Variants in PHLPP1 observed in about 807,000 individuals in gnomAD.
PHLPP1 encodes PH domain leucine-rich repeat-containing protein phosphatase 1.
A neutral mutation model predicts 117.2 loss-of-function variants in PHLPP1; 42 were observed. That is an observed-to-expected ratio of 0.36 (90% CI 0.28 to 0.46). The LOEUF (loss-of-function observed/expected upper bound fraction) is 0.46, where lower values mean the gene tolerates loss of function less well. Ranked by LOEUF, PHLPP1 falls within the 20% of genes least tolerant of loss-of-function variation. The pLI, the probability that PHLPP1 is intolerant of heterozygous loss-of-function variation, is 1.00. For synonymous variants in PHLPP1, 1,042 were observed against 970.7 expected, an observed-to-expected ratio of 1.07 and a Z score of -1.37; for missense variants, 2,084 against 2,241.9, an observed-to-expected ratio of 0.93 and a Z score of 1.42.
At chr18:62,896,754 T>A (rs12965462) in intron 6 of PHLPP1, among the ~76,000 whole-genome samples, 1 of 152,070 alleles carries the variant, frequency 6.6e-6, no homozygotes, top group Non-Finnish European at 1.5e-5. Context: ...GTTTCATCAG[T>A]GTAAAGGAGC....
At chr18:62,746,195 G>A (rs1043522482) in intron 1 of PHLPP1, among the ~76,000 whole-genome samples, 4 of 152,102 alleles carry the variant, frequency 2.6e-5, no homozygotes, top group African/African-American at 4.8e-5. Flanking sequence ...ATAGGCATGA[G>A]CCACCATACC....
At chr18:62,727,726 A>T (rs1391947557) in intron 1 of PHLPP1, among the ~76,000 whole-genome samples, 2 of 151,706 alleles carry the variant, frequency 1.3e-5, no homozygotes, top group Non-Finnish European at 2.9e-5. Context: ...ATGTAAGTTT[A>T]GGGTAGGTAT....
At chr18:62,866,111 A>G (rs928689957) in intron 4 of PHLPP1, among the ~76,000 whole-genome samples, 2 of 152,186 alleles carry the variant, frequency 1.3e-5, no homozygotes, top group African/African-American at 4.8e-5. Flanking sequence ...TGCCAAATTC[A>G]GTTTAATGGT....
chr18:62,978,217 G>A lies in PHLPP1; in HGVS notation c.3985-45G>A, dbSNP rs1160357564. The A allele has an allele frequency of 8.4e-7, 1 of 1,192,138 alleles. No individual in the cohort carries two copies. Among genetic ancestry groups the A allele is most frequent in the East Asian group, 2.5e-5 (1 of 40,382 alleles). 73.8% of individuals were successfully genotyped at this position (1,192,138 alleles called of 1,614,324 possible). A position where few individuals can be genotyped will look rare whatever the true frequency, so the allele number is the denominator to read the frequency against. ...GCAGGGAACCTGCACAGTTGCCGCA[G>A]GTGCTCTGTATTAACTGTCTGTCTG... is the stretch of plus-strand genomic sequence containing the variant. On this transcript the variant is annotated intron_variant, in intron 16 of 16. Coordinates refer to ENST00000262719, the MANE Select transcript of PHLPP1 (RefSeq NM_194449.4). This position sits in a 1 kb window ranked among gnomAD's most constrained non-coding sequence, Gnocchi z 7.0.
At chr18:62,793,680 G>A (rs375209606) in intron 1 of PHLPP1, among the ~76,000 whole-genome samples, 1 of 152,120 alleles carries the variant, frequency 6.6e-6, no homozygotes, top group Admixed American at 6.5e-5. Context: ...CTGTTTCTAC[G>A]GAGGAATAAA....
intron 1 of PHLPP1, among the ~76,000 whole-genome samples, chr18:62,722,093 G>A (rs1910937903): frequency 1.3e-5 from 2 of 152,082 alleles, no homozygotes; most frequent in South Asian, 2.1e-4. Context: ...TACACACAGC[G>A]GCATTTCTCC....
rs73458290 is a variant in PHLPP1 at position 62,870,974 on chromosome 18, T to A, written c.2066+10373T>A. ...TTGGTGGTGTTGATGGTTTCTTTCC[T>A]TATTATATGTGTCACTAATAACTAT... On this transcript the variant is annotated intron_variant, in intron 4 of 16. Coordinates refer to ENST00000262719, the MANE Select transcript of PHLPP1 (RefSeq NM_194449.4). 3.6e-3 allele frequency among the ~76,000 whole-genome samples: 554 copies of A among 152,296 alleles called. 9 individuals carry two copies. The highest frequency in any genetic ancestry group is 0.025 in the Admixed American group (387 of 15,302).
At chr18:62,967,864 G>A (rs1599146131) in intron 14 of PHLPP1, among the ~76,000 whole-genome samples, 1 of 147,196 alleles carries the variant, frequency 6.8e-6, no homozygotes, top group South Asian at 2.2e-4. Context: ...CACTCTTATT[G>A]CCCAGGCTGG....
At chr18:62,950,172 A>G (rs530425919) in intron 12 of PHLPP1, among the ~76,000 whole-genome samples, 8 of 152,344 alleles carry the variant, frequency 5.3e-5, no homozygotes, top group African/African-American at 1.7e-4. Flanking sequence ...TGATTCTAAG[A>G]ACAGCATCTT....
At chr18:62,853,627 C>G (rs1360435971) in intron 3 of PHLPP1, among the ~76,000 whole-genome samples, 2 of 152,202 alleles carry the variant, frequency 1.3e-5, no homozygotes, top group Non-Finnish European at 2.9e-5. Context: ...CCCTCGGCCC[C>G]ACAAAGTGCT....
intron 4 of PHLPP1, among the ~76,000 whole-genome samples, chr18:62,876,285 A>T (rs1026911621): frequency 6.6e-6 from 1 of 152,124 alleles, no homozygotes; most frequent in African/African-American, 2.4e-5. Flanking sequence ...CTTGCCACTC[A>T]TCTTGCAAGA....
chr18:62,912,867 C>T (rs1195665533), intron 8 of PHLPP1, among the ~76,000 whole-genome samples: 2 of 152,166 alleles, frequency 1.3e-5, no homozygotes, highest in African/African-American at 2.4e-5. Flanking sequence ...GTGATCCACC[C>T]GCCTTGGCCT....
In PHLPP1 at chr18:62,978,812, G is replaced by T. The variant is rs758670970; in HGVS notation, c.4535G>T (p.Ser1512Ile). ...ALSENSPAYP[S>I]EQRCMLHPIC... ...AGCGAGAACAGCCCTGCCTACCCCAGTGAGCAGCGCTGCATGCTCCACCCC... is the reference window on the plus strand; with the variant it reads ...AGCGAGAACAGCCCTGCCTACCCCATTGAGCAGCGCTGCATGCTCCACCCC... Residue 1512 changes from serine (S) to isoleucine (I), a missense_variant, in exon 17 of 17, where the codon AGT becomes ATT. Physicochemically the swap from Ser to Ile is moderately radical, Grantham distance 142. Transcript: ENST00000262719. This position sits in a 1 kb window ranked among gnomAD's most constrained non-coding sequence, Gnocchi z 7.0. 6.2e-7 allele frequency: 1 copy of T among 1,611,136 alleles called. No individual in the cohort carries two copies. Among genetic ancestry groups the T allele is most frequent in the Non-Finnish European group, 8.5e-7 (1 of 1,178,750 alleles).
intron 8 of PHLPP1, among the ~76,000 whole-genome samples, chr18:62,912,267 C>T (rs1337855724): frequency 1.5e-5 from 2 of 135,410 alleles, no homozygotes; most frequent in Non-Finnish European, 3.1e-5. Flanking sequence ...CTAACCTGCA[C>T]AATGTGCACA....
intron 3 of PHLPP1, among the ~76,000 whole-genome samples, chr18:62,846,673 G>T (rs1282972126): frequency 6.6e-6 from 1 of 152,042 alleles, no homozygotes; most frequent in Non-Finnish European, 1.5e-5. Flanking sequence ...TATAGTAATG[G>T]ATTTGTTATA....
In PHLPP1 at chr18:62,869,200, A is replaced by G. The variant is rs576337995; in HGVS notation, c.2066+8599A>G. ...GGTCAAATGAAGGGCCGAAGAAAGC[A>G]GTTTCCCTGTTTGTCATGCTGTGAT... On this transcript the variant is annotated intron_variant, in intron 4 of 16. Coordinates refer to ENST00000262719, the MANE Select transcript of PHLPP1 (RefSeq NM_194449.4). 1.4e-4 allele frequency among the ~76,000 whole-genome samples: 22 copies of G among 152,106 alleles called. No homozygotes were observed. The East Asian group carries it at 4.2e-3, about 29-fold the overall frequency.
chr18:62,935,526 T>C (rs1347507625), intron 10 of PHLPP1, among the ~76,000 whole-genome samples: 1 of 152,212 alleles, frequency 6.6e-6, no homozygotes. Flanking sequence ...TTGATGCTAC[T>C]GTTCATATGG....
In PHLPP1 at chr18:62,717,082, C is replaced by CCGCCGCCCA; in HGVS notation, c.1401_1409dup (p.Pro468_Thr470dup). On this transcript the variant is annotated inframe_insertion, in exon 1 of 17. Transcript: ENST00000262719. ...CGCGGAGAAGGCGCCTCCGCCGCCC[C>CCGCCGCCCA]CGCCGCCCACCCTGTACGTGCAGCT... 11 of 1,548,274 alleles carry CCGCCGCCCA rather than the reference C, an allele frequency of 7.1e-6. No individual in the cohort carries two copies. The highest frequency in any genetic ancestry group is 9.6e-6 in the Non-Finnish European group (11 of 1,146,864).
chr18:62,948,072 G>A (rs1258613002), intron 12 of PHLPP1, among the ~76,000 whole-genome samples: 1 of 151,270 alleles, frequency 6.6e-6, no homozygotes, highest in South Asian at 2.1e-4. Flanking sequence ...GGCCAGGCAC[G>A]GCAGCTCCTT....
Sources: allele counts gnomAD v4.1 joint callset (sites outside exome capture counted in the v4.1 genomes callset), GRCh38; gene constraint gnomAD v4.1.1; non-coding constraint Gnocchi (gnomAD v3.1); transcripts MANE v1.5; gene names NCBI Gene and HGNC (gene_info 2026-07-23, HGNC 2026-07-21).